MAP3K2: variants seen among roughly 807,000 people sequenced by gnomAD.
The protein encoded by MAP3K2 is MAP/ERK kinase kinase 2.
In MAP3K2, 24 loss-of-function variants were observed where a neutral mutation model predicts 80.3. The ratio of observed to expected loss-of-function variants is 0.30; its 90% CI spans 0.22 to 0.42. MAP3K2 has a LOEUF of 0.42. Among genes scored for constraint, MAP3K2 ranks in the 10% least tolerant of loss-of-function variants. The probability of loss-of-function intolerance (pLI) is 1.00; values close to 1 mark genes in which losing one functional copy is unlikely to be tolerated. For missense variants in MAP3K2, 608 were observed against 750.1 expected (o/e 0.81, Z 2.21); for synonymous variants, 244 against 253.7 (o/e 0.96, Z 0.36).
At position 127,376,326 on chromosome 2, in the gene MAP3K2, G is replaced by C. The variant is rs572622816; in HGVS notation, c.-66+11126C>G. Among the ~76,000 whole-genome samples the C allele has an allele frequency of 2.6e-3, 398 of 151,948 alleles. 2 individuals carry two copies. Among genetic ancestry groups the C allele is most frequent in the African/African-American group, 8.5e-3 (351 of 41,354 alleles). On this transcript the variant is annotated intron_variant, in intron 1 of 16. Transcript: ENST00000682094. The stretch of plus-strand genomic sequence containing the variant: ...ACTACTGGGGTGGGAGGGTGGGAAG[G>C]GGGGGAGCGCAACCATGTGAACTGC...
intron 1 of MAP3K2, among the ~76,000 whole-genome samples, chr2:127,358,016 A>G (rs1558986541): frequency 2.6e-5 from 4 of 152,350 alleles, no homozygotes; most frequent in Non-Finnish European, 4.4e-5. Flanking sequence ...AAAAAACACC[A>G]TTAAAAAAAT....
chr2:127,363,510 GATA>G (rs1390600414), intron 1 of MAP3K2, among the ~76,000 whole-genome samples: 2 of 152,126 alleles, frequency 1.3e-5, no homozygotes, highest in Non-Finnish European at 2.9e-5. Context: ...ACTCCCCAAT[GATA>G]TCAAACACAG....
chr2:127,323,600 G>A, intron 11 of MAP3K2, among the ~76,000 whole-genome samples: 1 of 151,812 alleles, frequency 6.6e-6, no homozygotes, highest in East Asian at 1.9e-4. Context: ...AGCCAAGGCA[G>A]GAAGATCACT....
At chr2:127,353,441 A>C (rs1686737212) in intron 1 of MAP3K2, among the ~76,000 whole-genome samples, 2 of 147,566 alleles carry the variant, frequency 1.4e-5, no homozygotes, top group Admixed American at 6.7e-5. Flanking sequence ...CCGTCTGAGA[A>C]GTGAGGAGCC....
intron 5 of MAP3K2, among the ~76,000 whole-genome samples, chr2:127,331,465 A>G (rs1686254148): frequency 6.6e-6 from 1 of 152,232 alleles, no homozygotes; most frequent in African/African-American, 2.4e-5. Flanking sequence ...AGGACCCCCT[A>G]CACCAGCAAT....
chr2:127,375,052 A>G (rs572161405), intron 1 of MAP3K2, among the ~76,000 whole-genome samples: 1 of 152,362 alleles, frequency 6.6e-6, no homozygotes, highest in African/African-American at 2.4e-5. Flanking sequence ...CTCTCAAGAA[A>G]TAAAACCTGC....
At chr2:127,313,242 T>C (rs1191895437) in intron 15 of MAP3K2, among the ~76,000 whole-genome samples, 1 of 152,196 alleles carries the variant, frequency 6.6e-6, no homozygotes, top group Non-Finnish European at 1.5e-5. Context: ...CTCCCTCAGT[T>C]CCTTTGCCTT....
chr2:127,311,890 T>A (rs1256855376), intron 15 of MAP3K2, among the ~76,000 whole-genome samples: 2 of 152,246 alleles, frequency 1.3e-5, no homozygotes, highest in Non-Finnish European at 2.9e-5. Context: ...AATCTCCTTT[T>A]CTTTTTTCTT....
chr2:127,308,452 G>A (rs1685750141), intron 16 of MAP3K2, 133 bp downstream of exon 16: 3 of 739,980 alleles, frequency 4.1e-6, no homozygotes, highest in Admixed American at 5.0e-5. Flanking sequence ...TTAATATAGT[G>A]TTAATCTTCG....
At position 127,305,693 on chromosome 2, in the gene MAP3K2, T is replaced by TAA. The variant is rs1685682158; in HGVS notation, c.*1884_*1885dup. Reference sequence around the variant, plus strand: ...TAGACCTTTAAAATAAAGTACTAAATAAAGTACTAATAAAGTACTTAGCAC... The same window carrying TAA: ...TAGACCTTTAAAATAAAGTACTAAATAAAAAGTACTAATAAAGTACTTAGCAC... On this transcript the variant is annotated 3_prime_UTR_variant, in exon 17 of 17. Coordinates refer to ENST00000682094, the MANE Select transcript of MAP3K2 (RefSeq NM_001371910.2). The TAA allele has an allele frequency of 6.6e-6, 1 of 152,030 alleles. No homozygotes were observed. The highest frequency in any genetic ancestry group is 2.4e-5 in the African/African-American group (1 of 41,406). The allele number at this position is 152,030 out of a possible 1,614,324, so 9.4% of individuals were successfully genotyped here.
chr2:127,347,069 T>C (rs1409839325), intron 1 of MAP3K2, among the ~76,000 whole-genome samples: 1 of 151,890 alleles, frequency 6.6e-6, no homozygotes, highest in African/African-American at 2.4e-5. Flanking sequence ...GTGCCAAAAT[T>C]CAACACCCTT....
rs1403303479 is a variant in MAP3K2 at position 127,302,865 on chromosome 2, T to C, written c.*4714A>G. On this transcript the variant is annotated 3_prime_UTR_variant, in exon 17 of 17. Coordinates refer to ENST00000682094, the MANE Select transcript of MAP3K2 (RefSeq NM_001371910.2). Reference sequence around the variant, plus strand: ...TATCACAGACAAATCCTAATGTTTCTCTCCTAACATTTATTTATTTATTTA... The same window carrying C: ...TATCACAGACAAATCCTAATGTTTCCCTCCTAACATTTATTTATTTATTTA... The C allele has an allele frequency of 6.6e-6, 1 of 152,062 alleles. No homozygotes were observed. Among genetic ancestry groups the C allele is most frequent in the Non-Finnish European group, 1.5e-5 (1 of 68,030 alleles). 9.4% of individuals were successfully genotyped at this position (152,062 alleles called of 1,614,324 possible).
intron 1 of MAP3K2, among the ~76,000 whole-genome samples, chr2:127,382,005 C>G (rs534648670): frequency 3.2e-4 from 48 of 152,166 alleles, no homozygotes; most frequent in African/African-American, 1.2e-3. Flanking sequence ...AAATCATTGT[C>G]ATTTTTAAAG....
At chr2:127,330,107 G>T in intron 6 of MAP3K2, 99 bp from the exon 7 acceptor site, 1 of 719,440 alleles carries the variant, frequency 1.4e-6, no homozygotes, top group Admixed American at 2.6e-5. Context: ...TATTGTTTGT[G>T]AGCCTTAATC....
In MAP3K2 at chr2:127,387,923, G is replaced by C. The variant is rs1368042788; in HGVS notation, c.-537C>G. 25 of 982,036 alleles carry C rather than the reference G, an allele frequency of 2.5e-5. No homozygotes were observed. Among genetic ancestry groups the C allele is most frequent in the Non-Finnish European group, 3.0e-5 (25 of 827,314 alleles). 60.8% of individuals were successfully genotyped at this position (982,036 alleles called of 1,614,324 possible). A position where few individuals can be genotyped will look rare whatever the true frequency, so the allele number is the denominator to read the frequency against. ...CCAGCGGCCGCGGCACCCTCGTCAG[G>C]CGCCGCCGCTGAGGGCAGGCAGCCC... On this transcript the variant is annotated 5_prime_UTR_variant, in exon 1 of 17. Transcript: ENST00000682094.
chr2:127,341,536 T>G (rs1285535728), intron 2 of MAP3K2, among the ~76,000 whole-genome samples: 11 of 139,410 alleles, frequency 7.9e-5, no homozygotes, highest in South Asian at 2.4e-4. Context: ...TGTTGTTTTT[T>G]TTTTTTTTTT....
At position 127,304,506 on chromosome 2, in the gene MAP3K2, A is replaced by G. The variant is rs1427203389; in HGVS notation, c.*3073T>C. ...GCTAGTGAATCTTCTCCAGCACCAA[A>G]AAGTCTGCCACTGTCAAAGCAGAAT... On this transcript the variant is annotated 3_prime_UTR_variant, in exon 17 of 17. Transcript: ENST00000682094. 1 of 152,314 alleles carries G rather than the reference A, an allele frequency of 6.6e-6. No individual in the cohort carries two copies. Among genetic ancestry groups the G allele is most frequent in the Non-Finnish European group, 1.5e-5 (1 of 68,014 alleles). 9.4% of individuals were successfully genotyped at this position (152,314 alleles called of 1,614,324 possible). A position where few individuals can be genotyped will look rare whatever the true frequency, so the allele number is the denominator to read the frequency against.
At chr2:127,318,132 T>C (rs2104815786) in intron 13 of MAP3K2, 37 bp downstream of exon 13, 2 of 1,522,616 alleles carry the variant, frequency 1.3e-6, no homozygotes, top group East Asian at 4.8e-5. Context: ...TAAAGTTTCT[T>C]ATAATGTGAC....
In MAP3K2 at chr2:127,302,608, T is replaced by C. The variant is rs565584375; in HGVS notation, c.*4971A>G. The stretch of plus-strand genomic sequence containing the variant: ...TTTCCTACTCACTGTCCTATCTCAT[T>C]GCCTTAACATTTGTAAACCATGTGA... On this transcript the variant is annotated 3_prime_UTR_variant, in exon 17 of 17. Transcript: ENST00000682094. The C allele has an allele frequency of 6.6e-6, 1 of 152,302 alleles. No individual in the cohort carries two copies. Among genetic ancestry groups the C allele is most frequent in the South Asian group, 2.1e-4 (1 of 4,822 alleles). The allele number at this position is 152,302 out of a possible 1,614,324, so 9.4% of individuals were successfully genotyped here.
Sources: gnomAD v4.1 joint callset for allele counts (sites outside exome capture counted in the v4.1 genomes callset) on GRCh38, gnomAD v4.1.1 for gene constraint, MANE v1.5 for transcripts, NCBI Gene and HGNC (gene_info 2026-07-23, HGNC 2026-07-21) for gene names.